The following HS6ST3 variants were observed in gnomAD, a reference collection of about 807,000 sequenced individuals.
HS6ST3 encodes the protein heparan-sulfate 6-O-sulfotransferase 3.
Under a neutral mutation model 36.7 loss-of-function variants are expected in HS6ST3, and 12 were observed. That is an observed-to-expected ratio of 0.33 (90% confidence interval 0.21 to 0.53). The LOEUF is 0.53. Ranked by LOEUF, HS6ST3 falls within the 20% of genes least tolerant of loss-of-function variation. The pLI is 0.95. For missense variants in HS6ST3, 584 were observed against 640.9 expected (o/e 0.91, Z 0.96); for synonymous variants, 240 against 257.5 (o/e 0.93, Z 0.65).
intron 1 of HS6ST3, among the ~76,000 whole-genome samples, chr13:96,751,890 A>AT (rs1281441320): frequency 2.0e-5 from 3 of 150,708 alleles, no homozygotes; most frequent in Middle Eastern, 3.2e-3. Context: ...GTTTATATAT[A>AT]TATAAACTAT....
chr13:96,513,844 A>G (rs2056060684), intron 1 of HS6ST3, among the ~76,000 whole-genome samples: 1 of 151,974 alleles, frequency 6.6e-6, no homozygotes, highest in South Asian at 2.1e-4. Flanking sequence ...GCAGAGGCCT[A>G]TATTGTTGAG....
chr13:96,700,661 G>A (rs984216432), intron 1 of HS6ST3, among the ~76,000 whole-genome samples: 1 of 152,106 alleles, frequency 6.6e-6, no homozygotes, highest in African/African-American at 2.4e-5. Flanking sequence ...AATAAGTTGA[G>A]TCCTTTGCTT....
intron 1 of HS6ST3, among the ~76,000 whole-genome samples, chr13:96,356,495 A>T (rs1426178810): frequency 6.6e-6 from 1 of 152,162 alleles, no homozygotes; most frequent in Non-Finnish European, 1.5e-5. Flanking sequence ...AAACAACATT[A>T]ATCTCCTTGT....
intron 1 of HS6ST3, among the ~76,000 whole-genome samples, chr13:96,555,135 A>G (rs143024278): frequency 6.6e-5 from 10 of 152,206 alleles, no homozygotes; most frequent in African/African-American, 1.7e-4. Flanking sequence ...TCTGCAGAGT[A>G]AAGTGGGATG....
At chr13:96,433,593 G>A (rs1413554502) in intron 1 of HS6ST3, among the ~76,000 whole-genome samples, 10 of 152,070 alleles carry the variant, frequency 6.6e-5, no homozygotes, top group Admixed American at 4.6e-4. Context: ...TTCACCTTCC[G>A]CCATGATTGT....
intron 1 of HS6ST3, among the ~76,000 whole-genome samples, chr13:96,227,720 A>G (rs1594723362): frequency 6.6e-6 from 1 of 152,226 alleles, no homozygotes; most frequent in Admixed American, 6.5e-5. Flanking sequence ...TGCTGGAAAC[A>G]AAGCTCTTTT....
intron 1 of HS6ST3, among the ~76,000 whole-genome samples, chr13:96,417,590 ATGTGTGTG>A (rs148288275): frequency 6.0e-4 from 84 of 139,978 alleles, no homozygotes; most frequent in South Asian, 3.3e-3. Context: ...GCATATATAT[ATGTGTGTG>A]TGTGTGTGTG....
At chr13:96,398,548 G>A (rs1186256761) in intron 1 of HS6ST3, among the ~76,000 whole-genome samples, 1 of 152,106 alleles carries the variant, frequency 6.6e-6, no homozygotes. Context: ...CAAAGTGCTG[G>A]GATTACAGGA....
chr13:96,299,775 G>C (rs1243466272), intron 1 of HS6ST3, among the ~76,000 whole-genome samples: 1 of 152,096 alleles, frequency 6.6e-6, no homozygotes, highest in African/African-American at 2.4e-5. Flanking sequence ...AGGAAGGGGA[G>C]AATGGGATAA....
At chr13:96,428,400 A>G (rs995949111) in intron 1 of HS6ST3, among the ~76,000 whole-genome samples, 2 of 152,006 alleles carry the variant, frequency 1.3e-5, no homozygotes, top group African/African-American at 4.8e-5. Flanking sequence ...ATAAAATCTT[A>G]TTTTCTCAGA....
intron 1 of HS6ST3, among the ~76,000 whole-genome samples, chr13:96,477,148 C>T (rs1400995958): frequency 3.3e-5 from 5 of 152,156 alleles, no homozygotes; most frequent in Admixed American, 3.3e-4. Context: ...ACCGAAATTA[C>T]ACTCTACCTA....
At chr13:96,553,809 T>C (rs763728509) in intron 1 of HS6ST3, among the ~76,000 whole-genome samples, 2 of 152,090 alleles carry the variant, frequency 1.3e-5, no homozygotes, top group Non-Finnish European at 2.9e-5. Flanking sequence ...TAAATGGGCA[T>C]GTAAGGAAGA....
intron 1 of HS6ST3, among the ~76,000 whole-genome samples, chr13:96,225,486 A>G (rs1192462561): frequency 6.6e-6 from 1 of 152,220 alleles, no homozygotes; most frequent in Non-Finnish European, 1.5e-5. Context: ...TCCTCACTGC[A>G]TAGTTAGGAT....
intron 1 of HS6ST3, among the ~76,000 whole-genome samples, chr13:96,329,068 C>T (rs1450353729): frequency 6.6e-6 from 1 of 150,556 alleles, no homozygotes; most frequent in Non-Finnish European, 1.5e-5. Flanking sequence ...TGATTCTTCT[C>T]TCTTTTTTTC....
chr13:96,728,738 G>A (rs1876067530), intron 1 of HS6ST3, among the ~76,000 whole-genome samples: 1 of 152,070 alleles, frequency 6.6e-6, no homozygotes, highest in Non-Finnish European at 1.5e-5. Flanking sequence ...AATCATCCCT[G>A]TTCTGACACA....
chr13:96,739,001 T>G (rs1350135014), intron 1 of HS6ST3, among the ~76,000 whole-genome samples: 1 of 152,242 alleles, frequency 6.6e-6, no homozygotes, highest in African/African-American at 2.4e-5. Flanking sequence ...GACCTTGATC[T>G]TGATAAATCA....
intron 1 of HS6ST3, among the ~76,000 whole-genome samples, chr13:96,817,114 C>T (rs1431806323): frequency 1.3e-5 from 2 of 152,204 alleles, no homozygotes; most frequent in Non-Finnish European, 2.9e-5. Context: ...GTCGCAACTT[C>T]CCGCTGCCCC....
chr13:96,442,862 G>A (rs1164073329), intron 1 of HS6ST3, among the ~76,000 whole-genome samples: 1 of 150,560 alleles, frequency 6.6e-6, no homozygotes, highest in Admixed American at 6.6e-5. Flanking sequence ...TGAAATTCTA[G>A]GAATAACAAA....
chr13:96,762,491 C>CA (rs1234635989), intron 1 of HS6ST3, among the ~76,000 whole-genome samples: 2 of 151,994 alleles, frequency 1.3e-5, no homozygotes, highest in African/African-American at 4.8e-5. Context: ...AAAAACAAAA[C>CA]AAAAAATGCT....
Sources: gnomAD v4.1 joint callset for allele counts (sites outside exome capture counted in the v4.1 genomes callset) on GRCh38, gnomAD v4.1.1 for gene constraint, MANE v1.5 for transcripts, NCBI Gene and HGNC (gene_info 2026-07-23, HGNC 2026-07-21) for gene names.